Variants in DNAJC24 observed in about 807,000 individuals in gnomAD.
The protein encoded by DNAJC24 is dnaJ homolog subfamily C member 24.
In DNAJC24, 17 loss-of-function variants were observed where a neutral mutation model predicts 18.0. That is an observed-to-expected ratio of 0.94 (90% CI 0.65 to 1.42). DNAJC24 has a LOEUF of 1.42. DNAJC24 is among the 40% of genes most tolerant of loss of function. The pLI is 0.00. For synonymous variants in DNAJC24, 55 were observed against 57.7 expected, an observed-to-expected ratio of 0.95 and a Z score of 0.21; for missense variants, 158 against 175.6, an observed-to-expected ratio of 0.90 and a Z score of 0.57.
chr11:31,373,020 A>G lies in DNAJC24; in HGVS notation c.111+2161A>G, dbSNP rs537767506. 1.2e-4 allele frequency among the ~76,000 whole-genome samples: 16 copies of G among 134,342 alleles called. 6 individuals carry two copies. The South Asian group carries it at 4.1e-3, about 34-fold the overall frequency. The allele number at this position is 134,342 out of a possible 152,430, so 88.1% of individuals were successfully genotyped here. ...TGACTAATGATGTTGAGCCCTTTTTAATGTGATAATTGGCCATTTGTATAA... is the reference window on the plus strand; with the variant it reads ...TGACTAATGATGTTGAGCCCTTTTTGATGTGATAATTGGCCATTTGTATAA... On this transcript the variant is annotated intron_variant, in intron 2 of 4. Coordinates refer to ENST00000465995, the MANE Select transcript of DNAJC24 (RefSeq NM_181706.5).
At chr11:31,394,790 G>T (rs1191759375) in intron 2 of DNAJC24, among the ~76,000 whole-genome samples, 1 of 151,858 alleles carries the variant, frequency 6.6e-6, no homozygotes, top group African/African-American at 2.4e-5. Context: ...TTAGGAAAAG[G>T]AAAATAGAGT....
At chr11:31,401,928 G>A (rs1212747796) in intron 2 of DNAJC24, among the ~76,000 whole-genome samples, 2 of 152,160 alleles carry the variant, frequency 1.3e-5, no homozygotes, top group Admixed American at 1.3e-4. Flanking sequence ...AGATTCCATA[G>A]CAAGAGTTGC....
intron 2 of DNAJC24, among the ~76,000 whole-genome samples, chr11:31,383,841 C>T (rs1952402169): frequency 6.6e-6 from 1 of 152,240 alleles, no homozygotes; most frequent in Non-Finnish European, 1.5e-5. Context: ...GTGTGGGACT[C>T]CGTTTCAGCT....
chr11:31,400,695 A>G (rs1040496664), intron 2 of DNAJC24, among the ~76,000 whole-genome samples: 1 of 152,172 alleles, frequency 6.6e-6, no homozygotes, highest in Non-Finnish European at 1.5e-5. Context: ...CTGAAACTGG[A>G]CCCCTTCCTT....
At chr11:31,374,060 C>G (rs1260833779) in intron 2 of DNAJC24, 1 of 365,610 alleles carries the variant, frequency 2.7e-6, no homozygotes, top group African/African-American at 2.1e-5. Context: ...TTAATTCTGT[C>G]TTACCAATCT....
At position 31,396,111 on chromosome 11, in the gene DNAJC24, G is replaced by A. The variant is rs573539870; in HGVS notation, c.112-18700G>A. ...TTTCACCACTGACAGTCTTCTAAAC[G>A]GTGACTACCGAAGTGGCCAGTGTTC... On this transcript the variant is annotated intron_variant, in intron 2 of 4. Coordinates refer to ENST00000465995, the MANE Select transcript of DNAJC24 (RefSeq NM_181706.5). Among the ~76,000 whole-genome samples the A allele has an allele frequency of 5.3e-5, 8 of 152,242 alleles. No homozygotes were observed. In the South Asian group the frequency reaches 1.2e-3, roughly 24 times the overall value.
intron 3 of DNAJC24, among the ~76,000 whole-genome samples, chr11:31,424,488 A>T (rs1952840832): frequency 6.6e-6 from 1 of 152,150 alleles, no homozygotes; most frequent in Admixed American, 6.5e-5. Context: ...TTTTAGAAGA[A>T]TTTTTTAAAA....
At chr11:31,418,375 A>G (rs962865269) in intron 3 of DNAJC24, among the ~76,000 whole-genome samples, 2 of 152,044 alleles carry the variant, frequency 1.3e-5, no homozygotes, top group Non-Finnish European at 2.9e-5. Context: ...AGTTGTCCTT[A>G]TATATTAAGC....
intron 2 of DNAJC24, among the ~76,000 whole-genome samples, chr11:31,378,438 A>C (rs905107865): frequency 6.6e-6 from 1 of 152,232 alleles, no homozygotes; most frequent in Non-Finnish European, 1.5e-5. Flanking sequence ...TTTAGCTAAC[A>C]TGTAGCACTG....
intron 2 of DNAJC24, among the ~76,000 whole-genome samples, chr11:31,400,826 T>G (rs2133485332): frequency 6.6e-6 from 1 of 152,234 alleles, no homozygotes; most frequent in Admixed American, 6.5e-5. Flanking sequence ...GGGCAAAGAC[T>G]TCATGACTAA....
chr11:31,384,099 C>T (rs1406652715), intron 2 of DNAJC24, among the ~76,000 whole-genome samples: 1 of 152,174 alleles, frequency 6.6e-6, no homozygotes, highest in East Asian at 1.9e-4. Context: ...TGTATTTCAT[C>T]TTCATTTTGT....
intron 2 of DNAJC24, among the ~76,000 whole-genome samples, chr11:31,392,724 T>G (rs1337115282): frequency 1.3e-5 from 2 of 150,868 alleles, no homozygotes; most frequent in Non-Finnish European, 3.0e-5. Flanking sequence ...TTTTTTTTTT[T>G]TTTGAGACGG....
At chr11:31,384,440 C>A (rs1952407938) in intron 2 of DNAJC24, among the ~76,000 whole-genome samples, 2 of 152,176 alleles carry the variant, frequency 1.3e-5, no homozygotes, top group East Asian at 1.9e-4. Context: ...ACTTCATGGA[C>A]TCAATATAAT....
chr11:31,387,519 T>G (rs1952441541), intron 2 of DNAJC24, among the ~76,000 whole-genome samples: 1 of 152,180 alleles, frequency 6.6e-6, no homozygotes, highest in East Asian at 1.9e-4. Flanking sequence ...TCTACAAGTC[T>G]GTAAGAGCCA....
chr11:31,404,388 C>T (rs1952633853), intron 2 of DNAJC24, among the ~76,000 whole-genome samples: 1 of 152,076 alleles, frequency 6.6e-6, no homozygotes, highest in African/African-American at 2.4e-5. Context: ...GCTGTTATGA[C>T]CTTTTGCTTA....
intron 4 of DNAJC24, chr11:31,426,679 A>G (rs975173624): frequency 5.3e-6 from 1 of 189,800 alleles, no homozygotes; most frequent in Non-Finnish European, 1.1e-5. Context: ...AGTATGGTAA[A>G]TAATGTCAAA....
chr11:31,388,385 A>T (rs1333992820), intron 2 of DNAJC24, among the ~76,000 whole-genome samples: 1 of 152,216 alleles, frequency 6.6e-6, no homozygotes, highest in Non-Finnish European at 1.5e-5. Context: ...AGAATCAAAT[A>T]GCATGCAAAG....
Position 31,432,414 on chromosome 11 carries a change from G to A in DNAJC24, c.*2013G>A, listed in dbSNP as rs1952936189. ...AACAACTAAAACTGAATAGCAAATAGTTTATTGGTAAGTACACGGTTTCAA... is the reference window on the plus strand; with the variant it reads ...AACAACTAAAACTGAATAGCAAATAATTTATTGGTAAGTACACGGTTTCAA... On this transcript the variant is annotated 3_prime_UTR_variant, in exon 5 of 5. Coordinates refer to ENST00000465995, the MANE Select transcript of DNAJC24 (RefSeq NM_181706.5). 2.2e-6 allele frequency: 2 copies of A among 890,490 alleles called. No individual in the cohort carries two copies. Among genetic ancestry groups the A allele is most frequent in the Non-Finnish European group, 3.6e-6 (2 of 548,356 alleles). The allele number at this position is 890,490 out of a possible 1,614,324, so 55.2% of individuals were successfully genotyped here. A position where few individuals can be genotyped will look rare whatever the true frequency, so the allele number is the denominator to read the frequency against.
intron 2 of DNAJC24, among the ~76,000 whole-genome samples, chr11:31,380,134 A>C (rs568677048): frequency 1.3e-5 from 2 of 152,320 alleles, no homozygotes; most frequent in African/African-American, 4.8e-5. Context: ...GAAATCTATG[A>C]AGAGATGATT....
Sources: gnomAD v4.1 joint callset for allele counts (sites outside exome capture counted in the v4.1 genomes callset) on GRCh38, gnomAD v4.1.1 for gene constraint, MANE v1.5 for transcripts, NCBI Gene and HGNC (gene_info 2026-07-23, HGNC 2026-07-21) for gene names.